The following SORBS2 variants were observed in gnomAD, a reference collection of about 807,000 sequenced individuals.
The protein encoded by SORBS2 is sorbin and SH3 domain-containing protein 2.
In SORBS2, 46 loss-of-function variants were observed where a neutral mutation model predicts 97.7. That is an observed-to-expected ratio of 0.47 (90% CI 0.37 to 0.60). SORBS2 has a LOEUF of 0.60. SORBS2 is among the 20% of genes least tolerant of loss of function. The pLI is 0.00. For missense variants in SORBS2, 1,316 were observed against 1,282.3 expected (o/e 1.03, Z -0.40); for synonymous variants, 476 against 473.4 (o/e 1.01, Z -0.07).
At chr4:185,644,966 T>C (rs1266148990) in intron 4 of SORBS2, among the ~76,000 whole-genome samples, 2 of 152,180 alleles carry the variant, frequency 1.3e-5, no homozygotes, top group African/African-American at 2.4e-5. Context: ...TAGTCTTGCA[T>C]AGATATTAAA....
At chr4:185,815,389 G>T (rs969092096) in intron 1 of SORBS2, among the ~76,000 whole-genome samples, 7 of 151,936 alleles carry the variant, frequency 4.6e-5, no homozygotes, top group African/African-American at 1.4e-4. Flanking sequence ...TATTATTAAA[G>T]GTTATTAAGA....
chr4:185,655,124 G>C lies in SORBS2; in HGVS notation c.24+1491C>G, dbSNP rs191790338. On this transcript the variant is annotated intron_variant, in intron 1 of 14. Coordinates refer to ENST00000418609, the Ensembl canonical transcript of SORBS2. ...TTGTTTTGAAGAACAGCACTGAAAGGTTCACATAGATGTCCCAGGTCACAT... is the reference window on the plus strand; with the variant it reads ...TTGTTTTGAAGAACAGCACTGAAAGCTTCACATAGATGTCCCAGGTCACAT... 3.9e-3 allele frequency among the ~76,000 whole-genome samples: 596 copies of C among 152,302 alleles called. 5 individuals are homozygous for C. The highest frequency in any genetic ancestry group is 0.014 in the African/African-American group (582 of 41,562).
intron 4 of SORBS2, among the ~76,000 whole-genome samples, chr4:185,641,770 A>C (rs920529483): frequency 1.3e-5 from 2 of 151,834 alleles, no homozygotes; most frequent in South Asian, 4.2e-4. Context: ...TAAAAAAAAA[A>C]AAAAACCCAC....
chr4:185,827,081 C>CCATCATCGCCAT (rs1561210481), intron 1 of SORBS2, among the ~76,000 whole-genome samples: 3 of 90,466 alleles, frequency 3.3e-5, no homozygotes, highest in Non-Finnish European at 7.4e-5. Context: ...ATCATCATCA[C>CCATCATCGCCAT]CATCATCACC....
chr4:185,846,339 GA>G (rs1171656306), intron 1 of SORBS2, among the ~76,000 whole-genome samples: 1 of 152,164 alleles, frequency 6.6e-6, no homozygotes, highest in Non-Finnish European at 1.5e-5. Flanking sequence ...ATACATTCTG[GA>G]AAAATAAAAC....
At chr4:185,859,930 G>A (rs2099222732) in intron 1 of SORBS2, among the ~76,000 whole-genome samples, 2 of 152,088 alleles carry the variant, frequency 1.3e-5, no homozygotes, top group African/African-American at 4.8e-5. Context: ...AGAGATGAAT[G>A]GTAAGTAAAC....
rs566417526 is a variant in SORBS2, at chr4:185,711,513, G to A, written c.-197-32691C>T. On this transcript the variant is annotated intron_variant, in intron 2 of 20. Coordinates refer to the SORBS2 transcript ENST00000284776. ...ACAGCAACAGCCAGGTGAGTTCTAAGTGTCAAAGTGCCCACAAAAACTGCA... is the reference window on the plus strand; with the variant it reads ...ACAGCAACAGCCAGGTGAGTTCTAAATGTCAAAGTGCCCACAAAAACTGCA... 2.0e-5 allele frequency among the ~76,000 whole-genome samples: 3 copies of A among 152,304 alleles called. No individual in the cohort carries two copies. The South Asian group carries it at 6.2e-4, about 32-fold the overall frequency.
chr4:185,647,201 C>A (rs187839006), intron 3 of SORBS2, among the ~76,000 whole-genome samples: 2 of 151,998 alleles, frequency 1.3e-5, no homozygotes, highest in Non-Finnish European at 2.9e-5. Flanking sequence ...TGTGGGTTGG[C>A]GTGCACCAGA....
intron 2 of SORBS2, chr4:185,710,112 C>T (rs1025939083): frequency 1.0e-5 from 1 of 99,122 alleles, no homozygotes; most frequent in African/African-American, 3.2e-5. Flanking sequence ...AACTCTTTTT[C>T]CCAAGGTTGA....
intron 1 of SORBS2, among the ~76,000 whole-genome samples, chr4:185,852,183 T>C (rs1316466717): frequency 1.3e-5 from 2 of 152,108 alleles, no homozygotes; most frequent in African/African-American, 4.8e-5. Flanking sequence ...CCCAGGGCAC[T>C]CTCTAAAACT....
At chr4:185,696,505 A>G (rs907316835) in intron 2 of SORBS2, among the ~76,000 whole-genome samples, 2 of 152,044 alleles carry the variant, frequency 1.3e-5, no homozygotes, top group Non-Finnish European at 2.9e-5. Context: ...CCCAGGCTGG[A>G]GTGCAATGAT....
intron 1 of SORBS2, among the ~76,000 whole-genome samples, chr4:185,843,739 G>A (rs1326935479): frequency 6.6e-6 from 1 of 152,134 alleles, no homozygotes; most frequent in East Asian, 1.9e-4. Flanking sequence ...CATGTTCATG[G>A]ATGAGAAAAC....
At chr4:185,705,815 C>T (rs1231800050) in intron 2 of SORBS2, among the ~76,000 whole-genome samples, 1 of 152,160 alleles carries the variant, frequency 6.6e-6, no homozygotes, top group East Asian at 1.9e-4. Context: ...TTTGCCATTA[C>T]AGTCCACCCC....
intron 4 of SORBS2, chr4:185,677,144 G>C: frequency 1.3e-6 from 2 of 1,551,720 alleles, no homozygotes; most frequent in Non-Finnish European, 1.7e-6. Flanking sequence ...CTATCTGAAT[G>C]GAAAGAGATG....
At chr4:185,710,229 A>C (rs1431324826) in intron 2 of SORBS2, among the ~76,000 whole-genome samples, 2 of 152,020 alleles carry the variant, frequency 1.3e-5, no homozygotes, top group Non-Finnish European at 2.9e-5. Context: ...CTTTGCTTTC[A>C]CTCAGTGTTC....
At chr4:185,819,097 C>T (rs1038852796) in intron 1 of SORBS2, among the ~76,000 whole-genome samples, 1 of 152,152 alleles carries the variant, frequency 6.6e-6, no homozygotes, top group Non-Finnish European at 1.5e-5. Context: ...AAAGTCTTAT[C>T]ACAGGATCAG....
At chr4:185,895,256 C>A (rs2099244456) in intron 1 of SORBS2, among the ~76,000 whole-genome samples, 1 of 152,214 alleles carries the variant, frequency 6.6e-6, no homozygotes, top group Non-Finnish European at 1.5e-5. Context: ...GTACAGAGGA[C>A]TTGTTTTGGT....
chr4:185,843,334 G>A (rs892843314), intron 1 of SORBS2, among the ~76,000 whole-genome samples: 22 of 152,148 alleles, frequency 1.4e-4, no homozygotes, highest in Non-Finnish European at 1.5e-4. Context: ...ATTCATTATT[G>A]TATTGGAGGT....
chr4:185,676,237 G>A (rs2097787086), intron 4 of SORBS2, among the ~76,000 whole-genome samples: 1 of 152,182 alleles, frequency 6.6e-6, no homozygotes, highest in African/African-American at 2.4e-5. Flanking sequence ...TCACAGAAAA[G>A]TTTAGATGAA....
Sources: allele counts gnomAD v4.1 joint callset (sites outside exome capture counted in the v4.1 genomes callset), GRCh38; gene constraint gnomAD v4.1.1; transcripts MANE v1.5; gene names NCBI Gene and HGNC (gene_info 2026-07-23, HGNC 2026-07-21).